NCOR1: variants seen among roughly 807,000 people sequenced by gnomAD.
NCOR1 encodes nuclear receptor corepressor 1.
A neutral mutation model predicts 288.1 loss-of-function variants in NCOR1; 63 were observed. The observed-to-expected ratio is 0.22, with a 90% CI of 0.18 to 0.27. NCOR1 has a LOEUF of 0.27. NCOR1 is among the 10% of genes least tolerant of loss of function. The probability of loss-of-function intolerance (pLI) is 1.00; values close to 1 mark genes in which losing one functional copy is unlikely to be tolerated. For synonymous variants in NCOR1, 1,007 were observed against 1,065.9 expected, an observed-to-expected ratio of 0.94 and a Z score of 1.08; for missense variants, 2,397 against 3,019.2, an observed-to-expected ratio of 0.79 and a Z score of 4.83.
At position 16,149,518 on chromosome 17, in the gene NCOR1, C is replaced by A; in HGVS notation, c.843-1G>T. On this transcript the variant is annotated splice_acceptor_variant, in intron 8 of 45. Transcript: ENST00000268712. LOFTEE classifies it high-confidence loss of function. ...GAGTTTTTTCCTCATCACCTGGTTTCTAGAAGAGAAAAATATGGTTGCATG... is the reference window on the plus strand; with the variant it reads ...GAGTTTTTTCCTCATCACCTGGTTTATAGAAGAGAAAAATATGGTTGCATG... 1 of 1,470,362 alleles carries A rather than the reference C, an allele frequency of 6.8e-7. No homozygotes were observed. The highest frequency in any genetic ancestry group is 2.0e-5 in the Admixed American group (1 of 50,550). The allele number at this position is 1,470,362 out of a possible 1,614,324, so 91.1% of individuals were successfully genotyped here.
rs1598623730 is a variant in NCOR1, at chr17:16,101,688, A to G, written c.2252T>C (p.Val751Ala). The G allele has an allele frequency of 6.2e-7, 1 of 1,614,214 alleles. No homozygotes were observed. The highest frequency in any genetic ancestry group is 8.5e-7 in the Non-Finnish European group (1 of 1,180,038). Reference sequence around the variant, plus strand: ...AGTTTCCGTGGTGGGCTCAAGCTCAACCGCAGGTTCTGTGTTTCCTCGAGA... The same window carrying G: ...AGTTTCCGTGGTGGGCTCAAGCTCAGCCGCAGGTTCTGTGTTTCCTCGAGA... The part of the protein sequence containing the change: ...ATSRGNTEPA[V>A]ELEPTTETAP... Residue 751 changes from valine (V) to alanine (A), a missense_variant, in exon 20 of 46, where the codon GTT becomes GCT. Val to Ala is a moderately conservative substitution (Grantham distance 64). This residue lies in a region of NCOR1 where 1,872 missense variants were observed against 2,187.8 expected (regional missense o/e 0.86). Transcript: ENST00000268712.
At chr17:16,092,376 A>C (rs1598446277) in intron 21 of NCOR1, among the ~76,000 whole-genome samples, 1 of 151,850 alleles carries the variant, frequency 6.6e-6, no homozygotes, top group East Asian at 2.0e-4. Flanking sequence ...AGTCCCAGCT[A>C]CTCGGGAGGC....
At chr17:16,099,643 A>G (rs1330236026) in intron 20 of NCOR1, among the ~76,000 whole-genome samples, 2 of 152,208 alleles carry the variant, frequency 1.3e-5, no homozygotes, top group Non-Finnish European at 2.9e-5. Context: ...AACAGTGCAA[A>G]ACACAGATAA....
chr17:16,103,638 CTT>C (rs2068033638), intron 19 of NCOR1, among the ~76,000 whole-genome samples: 1 of 152,252 alleles, frequency 6.6e-6, no homozygotes, highest in African/African-American at 2.4e-5. Context: ...ACCACAGAGA[CTT>C]TGTACATGCC....
intron 19 of NCOR1, among the ~76,000 whole-genome samples, 181 bp downstream of exon 19, chr17:16,108,605 T>C (rs1164190820): frequency 1.3e-5 from 2 of 152,188 alleles, no homozygotes; most frequent in Non-Finnish European, 2.9e-5. Flanking sequence ...CCATCCTAGG[T>C]GCTACATAAA....
chr17:16,035,124 A>G (rs1477441295), intron 44 of NCOR1, among the ~76,000 whole-genome samples, 180 bp from the exon 45 acceptor site: 2 of 152,226 alleles, frequency 1.3e-5, no homozygotes, highest in Non-Finnish European at 2.9e-5. Context: ...AGGGTTTAGT[A>G]AGTCACAATT....
intron 3 of NCOR1, among the ~76,000 whole-genome samples, chr17:16,185,705 A>G (rs899690525): frequency 6.6e-6 from 1 of 150,542 alleles, no homozygotes; most frequent in African/African-American, 2.5e-5. Flanking sequence ...AAAAAAAAAA[A>G]AAAAGAATTA....
chr17:16,151,445 AAG>A (rs1599493811), intron 8 of NCOR1: 1 of 530,692 alleles, frequency 1.9e-6, no homozygotes, highest in East Asian at 7.0e-5. Context: ...CGTCATTAGC[AAG>A]AGTCATGGAA....
intron 14 of NCOR1, 127 bp downstream of exon 14, chr17:16,137,184 C>A: frequency 1.9e-6 from 1 of 516,824 alleles, no homozygotes; most frequent in Non-Finnish European, 3.4e-6. Context: ...TTATAACATC[C>A]TCACTAATTT....
chr17:16,044,864 C>A, intron 42 of NCOR1: 2 of 803,854 alleles, frequency 2.5e-6, no homozygotes, highest in Non-Finnish European at 4.2e-6. Flanking sequence ...ATCCTGCCCA[C>A]TCCACTGCTG....
chr17:16,184,176 G>A (rs1288267636), intron 3 of NCOR1, among the ~76,000 whole-genome samples: 2 of 152,174 alleles, frequency 1.3e-5, no homozygotes. Flanking sequence ...CCTTGGCAAT[G>A]ATTTTTTGCA....
In NCOR1 at chr17:16,126,090, TTCTTTTTCA is replaced by T. The variant is rs2073994389; in HGVS notation, c.1617_1625del (p.Asp539_Lys541del). The T allele has an allele frequency of 7.6e-7, 1 of 1,320,422 alleles. No homozygotes were observed. Among genetic ancestry groups the T allele is most frequent in the African/African-American group, 1.5e-5 (1 of 66,686 alleles). 81.8% of individuals were successfully genotyped at this position (1,320,422 alleles called of 1,614,324 possible). A position where few individuals can be genotyped will look rare whatever the true frequency, so the allele number is the denominator to read the frequency against. On this transcript the variant is annotated inframe_deletion, in exon 15 of 46. Coordinates refer to ENST00000268712, the MANE Select transcript of NCOR1 (RefSeq NM_006311.4). ...CTAATTATTTAACTCACTTGGAGTC[TTCTTTTTCA>T]TCTTTTTCCTCTTCATCTTTCTTTT... is the stretch of plus-strand genomic sequence containing the variant.
chr17:16,114,393 C>T (rs2071115493), intron 18 of NCOR1, among the ~76,000 whole-genome samples: 1 of 152,096 alleles, frequency 6.6e-6, no homozygotes, highest in South Asian at 2.1e-4. Context: ...CATCTCATGT[C>T]TTCACATTTC....
intron 3 of NCOR1, among the ~76,000 whole-genome samples, chr17:16,172,327 G>A (rs2153468287): frequency 6.6e-6 from 1 of 152,078 alleles, no homozygotes; most frequent in African/African-American, 2.4e-5. Flanking sequence ...CTGCACTCCA[G>A]CCTGGGCAAC....
intron 27 of NCOR1, among the ~76,000 whole-genome samples, chr17:16,074,793 A>G (rs1248475415): frequency 6.6e-6 from 1 of 152,244 alleles, no homozygotes; most frequent in Non-Finnish European, 1.5e-5. Context: ...AAAAATGTAC[A>G]TAGACATTAA....
In NCOR1 at chr17:16,149,504, T is replaced by C; in HGVS notation, c.856A>G (p.Arg286Gly). Reference protein sequence around the residue: ...HENIKTNQVMRKKLILFFKRR... With the variant: ...HENIKTNQVMGKKLILFFKRR... ...TTAAAAAATAAAATGAGTTTTTTCC[T>C]CATCACCTGGTTTCTAGAAGAGAAA... The change falls in exon 9 of 46, where the codon AGG becomes GGG. Residue 286 changes from arginine (R) to glycine (G), a missense_variant. Transcript: ENST00000268712. 1 of 1,541,622 alleles carries C rather than the reference T, an allele frequency of 6.5e-7. No homozygotes were observed. Among genetic ancestry groups the C allele is most frequent in the Non-Finnish European group, 8.9e-7 (1 of 1,129,268 alleles).
intron 20 of NCOR1, among the ~76,000 whole-genome samples, chr17:16,100,195 C>A (rs921507224): frequency 6.6e-6 from 1 of 152,020 alleles, no homozygotes; most frequent in Non-Finnish European, 1.5e-5. Context: ...GATTCAATGT[C>A]TTTTAAGGAA....
chr17:16,190,033 C>T (rs1054619196), intron 2 of NCOR1, among the ~76,000 whole-genome samples: 9 of 152,140 alleles, frequency 5.9e-5, no homozygotes, highest in African/African-American at 2.2e-4. Context: ...GTTTTGATAT[C>T]AGCCTGTGCA....
chr17:16,194,501 G>T lies in NCOR1; in HGVS notation c.69C>A (p.His23Gln), dbSNP rs1192528988. The T allele has an allele frequency of 1.9e-6, 3 of 1,611,390 alleles. No homozygotes were observed. Among genetic ancestry groups the T allele is most frequent in the Non-Finnish European group, 2.5e-6 (3 of 1,178,686 alleles). The change falls in exon 2 of 46, where the codon CAC becomes CAA. Residue 23 changes from histidine to glutamine, a missense_variant. His to Gln is a conservative substitution (Grantham distance 24). This residue lies in a region of NCOR1 where 55 missense variants were observed against 69.6 expected (regional missense o/e 0.79). Coordinates refer to ENST00000268712, the MANE Select transcript of NCOR1 (RefSeq NM_006311.4). The stretch of plus-strand genomic sequence containing the variant: ...TGTTGGGAAATGTATACTGGACAGA[G>T]TGAGGAGGATAACGACTTTGTTCTG... ...FSTEQSRYPP[H>Q]SVQYTFPNTR...
Sources: gnomAD v4.1 joint callset for allele counts (sites outside exome capture counted in the v4.1 genomes callset) on GRCh38, gnomAD v4.1.1 for gene constraint, gnomAD v4.1.1 regional missense constraint, MANE v1.5 for transcripts, NCBI Gene and HGNC (gene_info 2026-07-23, HGNC 2026-07-21) for gene names.